HERC1: variants seen among roughly 807,000 people sequenced by gnomAD.
HERC1 encodes the protein HECT and RLD domain containing E3 ubiquitin protein ligase family member 1.
In HERC1, 160 loss-of-function variants were observed where a neutral mutation model predicts 554.3. The ratio of observed to expected loss-of-function variants is 0.29; its 90% CI spans 0.25 to 0.33. The LOEUF (loss-of-function observed/expected upper bound fraction) is 0.33. HERC1 is among the 10% of genes least tolerant of loss of function. The probability of loss-of-function intolerance (pLI) is 1.00; values close to 1 mark genes in which losing one functional copy is unlikely to be tolerated. For missense variants in HERC1, 4,919 were observed against 5,918.5 expected (o/e 0.83, Z 5.54); for synonymous variants, 2,175 against 2,131.7 (o/e 1.02, Z -0.56).
In HERC1 at chr15:63,775,111, C is replaced by A; in HGVS notation, c.513G>T (p.Ala171=). Residue 171 remains alanine (A), a synonymous_variant, in exon 2 of 78, where the codon GCG becomes GCT. Coordinates refer to ENST00000443617, the MANE Select transcript of HERC1 (RefSeq NM_003922.4). The surrounding 1 kb of genome is among the most constrained non-coding windows in gnomAD (Gnocchi z 4.0). ...GCATCATCCAACTTTGTCTTAGAAG[C>A]GCAAATAATAAACTTAGACCAGTTC... is the stretch of plus-strand genomic sequence containing the variant. The part of the protein sequence containing the change: ...GVRTGLSLLF[A]LLRQSWMMPV... 1 of 1,613,950 alleles carries A rather than the reference C, an allele frequency of 6.2e-7. No homozygotes were observed. Among genetic ancestry groups the A allele is most frequent in the Non-Finnish European group, 8.5e-7 (1 of 1,179,882 alleles).
At chr15:63,820,693 T>C (rs1432421795) in intron 1 of HERC1, among the ~76,000 whole-genome samples, 1 of 152,194 alleles carries the variant, frequency 6.6e-6, no homozygotes, top group Non-Finnish European at 1.5e-5. Context: ...TCCTTTTTTT[T>C]TTGCTTTTGA....
In HERC1 at chr15:63,718,383, C is replaced by T. The variant is rs1404800350; in HGVS notation, c.3978+191G>A. 4.0e-6 allele frequency: 2 copies of T among 501,822 alleles called. No homozygotes were observed. The highest frequency in any genetic ancestry group is 3.9e-5 in the African/African-American group (2 of 51,334). The allele number at this position is 501,822 out of a possible 1,614,324, so 31.1% of individuals were successfully genotyped here. On this transcript the variant is annotated intron_variant, in intron 21 of 77. Coordinates refer to ENST00000443617, the MANE Select transcript of HERC1 (RefSeq NM_003922.4). The surrounding 1 kb of genome is among the most constrained non-coding windows in gnomAD (Gnocchi z 4.2). ...CTAAAGTTTCTTAGAACCAATATCA[C>T]ACTTGGTAAATGTGAGGTTAAGTAA...
intron 1 of HERC1, among the ~76,000 whole-genome samples, chr15:63,782,886 T>C (rs58928856): frequency 0.011 from 1,676 of 152,300 alleles, 27 homozygotes; most frequent in African/African-American, 0.038. Context: ...AGGAAGTAAC[T>C]GCAGACGTGG....
chr15:63,634,584 A>C (rs766850839), intron 66 of HERC1, 149 bp downstream of exon 66: 4 of 582,796 alleles, frequency 6.9e-6, no homozygotes, highest in Non-Finnish European at 1.2e-5. Flanking sequence ...CACATTGGGA[A>C]ACAGTTAAAA....
In HERC1 at chr15:63,718,845, T is replaced by C. The variant is rs2073683884; in HGVS notation, c.3795A>G (p.Arg1265=). ...SNESLLDTVS[R]FVLAALLKHT... ...GTTTCAGAAGAGCTGCAAGAACAAA[T>C]CTAGACACAGTGTCCAAGAGTGACT... is the stretch of plus-strand genomic sequence containing the variant. The change falls in exon 20 of 78, where the codon AGA becomes AGG. Residue 1265 remains arginine, a synonymous_variant. Coordinates refer to ENST00000443617, the MANE Select transcript of HERC1 (RefSeq NM_003922.4). The surrounding 1 kb of genome is among the most constrained non-coding windows in gnomAD (Gnocchi z 4.2). 2.5e-6 allele frequency: 4 copies of C among 1,613,600 alleles called. No homozygotes were observed. The highest frequency in any genetic ancestry group is 1.7e-5 in the Admixed American group (1 of 59,982).
intron 1 of HERC1, among the ~76,000 whole-genome samples, chr15:63,806,736 TTTG>T (rs1174412243): frequency 2.0e-5 from 3 of 152,214 alleles, no homozygotes; most frequent in Admixed American, 1.3e-4. Flanking sequence ...GCATTCTGCC[TTTG>T]TTGTTGTAAG....
chr15:63,613,660 A>G (rs888981777), intron 76 of HERC1, among the ~76,000 whole-genome samples: 5 of 151,436 alleles, frequency 3.3e-5, no homozygotes, highest in Non-Finnish European at 4.4e-5. Flanking sequence ...TACATAATAA[A>G]ATTTATTATA....
Position 63,694,724 on chromosome 15 carries a change from C to T in HERC1, c.5242+50G>A, listed in dbSNP as rs780281256. The T allele has an allele frequency of 2.5e-6, 4 of 1,611,974 alleles. No homozygotes were observed. The highest frequency in any genetic ancestry group is 2.2e-5 in the South Asian group (2 of 91,020). Reference sequence around the variant, plus strand: ...TAGAACATAACTAGTACCATAACCTCGGGCTAAAATGTAACCTGCACTGTA... The same window carrying T: ...TAGAACATAACTAGTACCATAACCTTGGGCTAAAATGTAACCTGCACTGTA... On this transcript the variant is annotated intron_variant, in intron 28 of 77. Transcript: ENST00000443617. The surrounding 1 kb of genome is among the most constrained non-coding windows in gnomAD (Gnocchi z 4.3).
chr15:63,648,346 T>G (rs368269544), intron 54 of HERC1, 147 bp from the exon 55 acceptor site: 42 of 752,638 alleles, frequency 5.6e-5, no homozygotes, highest in African/African-American at 3.9e-4. Flanking sequence ...AGACAAAATG[T>G]AGGCGTACAG....
rs1461191834 is a variant in HERC1, at chr15:63,758,464, T to C, written c.1027-95A>G. ...CTCTGAAATTACTGTTGCCTTTCCTTCCAACACTCTCAAATGCTCAAAGAA... is the reference window on the plus strand; with the variant it reads ...CTCTGAAATTACTGTTGCCTTTCCTCCCAACACTCTCAAATGCTCAAAGAA... On this transcript the variant is annotated intron_variant, in intron 3 of 77. Transcript: ENST00000443617. This position sits in a 1 kb window ranked among gnomAD's most constrained non-coding sequence, Gnocchi z 4.0. The C allele has an allele frequency of 6.5e-6, 5 of 773,154 alleles. No homozygotes were observed. In the East Asian group the frequency reaches 1.1e-4, roughly 17 times the overall value. 47.9% of individuals were successfully genotyped at this position (773,154 alleles called of 1,614,324 possible). A position where few individuals can be genotyped will look rare whatever the true frequency, so the allele number is the denominator to read the frequency against.
At chr15:63,785,905 C>T (rs1278284394) in intron 1 of HERC1, among the ~76,000 whole-genome samples, 5 of 151,936 alleles carry the variant, frequency 3.3e-5, no homozygotes, top group South Asian at 4.2e-4. Flanking sequence ...GAGGTCTCAC[C>T]GTGTTGTCCA....
intron 64 of HERC1, chr15:63,636,995 A>C (rs2068810141): frequency 5.3e-6 from 2 of 379,638 alleles, no homozygotes; most frequent in Non-Finnish European, 1.0e-5. Context: ...TACCTAAAAA[A>C]ACCGTCGGTG....
intron 26 of HERC1, among the ~76,000 whole-genome samples, chr15:63,697,996 ATGTCTCTTTCAAGTTT>A (rs1264510566): frequency 6.6e-6 from 1 of 152,158 alleles, no homozygotes; most frequent in Non-Finnish European, 1.5e-5. Flanking sequence ...CAAACATCTT[ATGTCTCTTTCAAGTTT>A]TGCTCACTCA....
At chr15:63,765,724 T>A (rs955741250) in intron 2 of HERC1, among the ~76,000 whole-genome samples, 2 of 152,078 alleles carry the variant, frequency 1.3e-5, no homozygotes, top group African/African-American at 4.8e-5. Flanking sequence ...ACCAATAAGA[T>A]CTTACATGTA....
intron 12 of HERC1, among the ~76,000 whole-genome samples, chr15:63,735,138 T>A (rs1449412063): frequency 6.6e-6 from 1 of 152,084 alleles, no homozygotes; most frequent in Non-Finnish European, 1.5e-5. Context: ...CAGAAATGAA[T>A]AAGACAGACA....
intron 55 of HERC1, among the ~76,000 whole-genome samples, chr15:63,646,677 G>A (rs1291964328): frequency 3.3e-5 from 5 of 151,700 alleles, no homozygotes; most frequent in East Asian, 1.9e-4. Context: ...GAGTGGTGGC[G>A]GGCGCCTGTA....
At chr15:63,768,318 C>T (rs1437635234) in intron 2 of HERC1, among the ~76,000 whole-genome samples, 1 of 152,186 alleles carries the variant, frequency 6.6e-6, no homozygotes, top group African/African-American at 2.4e-5. Context: ...AGAGAAGAAG[C>T]CTAAGATTCT....
intron 32 of HERC1, 40 bp from the exon 33 acceptor site, chr15:63,689,739 T>G: frequency 8.3e-7 from 1 of 1,197,718 alleles, no homozygotes; most frequent in East Asian, 2.6e-5. Context: ...TTGTAAAAAG[T>G]AACTTTAAGT....
intron 1 of HERC1, among the ~76,000 whole-genome samples, chr15:63,812,252 T>C (rs942882859): frequency 3.9e-5 from 6 of 152,228 alleles, no homozygotes; most frequent in Non-Finnish European, 5.9e-5. Flanking sequence ...CCAAAAATCA[T>C]AGGAAGACAC....
Sources: allele counts gnomAD v4.1 joint callset (sites outside exome capture counted in the v4.1 genomes callset), GRCh38; gene constraint gnomAD v4.1.1; non-coding constraint Gnocchi (gnomAD v3.1); transcripts MANE v1.5; gene names NCBI Gene and HGNC (gene_info 2026-07-23, HGNC 2026-07-21).